The following PRDM16 variants were observed in gnomAD, a reference collection of about 807,000 sequenced individuals.
PRDM16 encodes histone-lysine N-methyltransferase PRDM16.
In PRDM16, 23 loss-of-function variants were observed where a neutral mutation model predicts 110.6. That is an observed-to-expected ratio of 0.21 (90% confidence interval 0.15 to 0.29). PRDM16 has a LOEUF of 0.29. Among genes scored for constraint, PRDM16 ranks in the 10% least tolerant of loss-of-function variants. PRDM16 has a pLI of 1.00. For missense variants in PRDM16, 1,615 were observed against 1,794.3 expected (o/e 0.90, Z 1.81); for synonymous variants, 799 against 781.8 (o/e 1.02, Z -0.37).
At chr1:3,200,297 G>A (rs985056335) in intron 2 of PRDM16, among the ~76,000 whole-genome samples, 4 of 152,198 alleles carry the variant, frequency 2.6e-5, no homozygotes, top group African/African-American at 4.8e-5. Flanking sequence ...AGGCTCTACC[G>A]AGGCCCTTAG....
At position 3,382,686 on chromosome 1, in the gene PRDM16, G is replaced by T. The variant is rs1269047752; in HGVS notation, c.439-2466G>T. Among the ~76,000 whole-genome samples the T allele has an allele frequency of 6.6e-6, 1 of 152,186 alleles. No individual in the cohort carries two copies. The highest frequency in any genetic ancestry group is 2.4e-5 in the African/African-American group (1 of 41,440). ...CATCAGCTGGTCCCTGGGCTGAGGG[G>T]GATGCACTCAGGAGCACGTACTCCT... On this transcript the variant is annotated intron_variant, in intron 3 of 16. Transcript: ENST00000270722. This position sits in a 1 kb window ranked among gnomAD's most constrained non-coding sequence, Gnocchi z 6.6.
rs1642528110 is a variant in PRDM16 at position 3,353,152 on chromosome 1, C to T, written c.439-32000C>T. On this transcript the variant is annotated intron_variant, in intron 3 of 16. Coordinates refer to ENST00000270722, the MANE Select transcript of PRDM16 (RefSeq NM_022114.4). This position sits in a 1 kb window ranked among gnomAD's most constrained non-coding sequence, Gnocchi z 5.4. Reference sequence around the variant, plus strand: ...CCCAGACTCCCACGCAGGGACGTCCCTCACAGCAGGATTTGCTGCTTCCTC... The same window carrying T: ...CCCAGACTCCCACGCAGGGACGTCCTTCACAGCAGGATTTGCTGCTTCCTC... Among the ~76,000 whole-genome samples, 1 of 152,244 alleles carries T rather than the reference C, an allele frequency of 6.6e-6. No individual in the cohort carries two copies. The highest frequency in any genetic ancestry group is 2.4e-5 in the African/African-American group (1 of 41,472).
intron 8 of PRDM16, 124 bp downstream of exon 8, chr1:3,405,772 A>C (rs187151343): frequency 8.1e-6 from 8 of 986,106 alleles, no homozygotes; most frequent in African/African-American, 6.7e-5. Flanking sequence ...TTCATAAAGC[A>C]CTCATGGCAG....
Position 3,244,079 on chromosome 1 carries a change from T to A in PRDM16, c.388-8T>A. 3.7e-6 allele frequency: 6 copies of A among 1,613,944 alleles called. No individual in the cohort carries two copies. Among genetic ancestry groups the A allele is most frequent in the Non-Finnish European group, 5.1e-6 (6 of 1,179,942 alleles). ...AAACTAACAACCCCTCTCAAAATTG[T>A]TTTGCAGCAAATACTGACGGACGTG... On this transcript the variant is annotated splice_polypyrimidine_tract_variant and splice_region_variant and intron_variant, in intron 2 of 16. Coordinates refer to ENST00000270722, the MANE Select transcript of PRDM16 (RefSeq NM_022114.4). This position sits in a 1 kb window ranked among gnomAD's most constrained non-coding sequence, Gnocchi z 4.1.
At chr1:3,366,427 C>T (rs891413380) in intron 3 of PRDM16, among the ~76,000 whole-genome samples, 2 of 152,268 alleles carry the variant, frequency 1.3e-5, no homozygotes, top group East Asian at 3.9e-4. Context: ...CTCAGTATGC[C>T]GGGACACTCT....
At chr1:3,354,708 G>A (rs1642559603) in intron 3 of PRDM16, among the ~76,000 whole-genome samples, 1 of 152,150 alleles carries the variant, frequency 6.6e-6, no homozygotes, top group Non-Finnish European at 1.5e-5. Context: ...CCTCTTCGCT[G>A]AGTCAGTGCC....
intron 2 of PRDM16, among the ~76,000 whole-genome samples, chr1:3,188,786 G>A (rs559376560): frequency 2.6e-5 from 4 of 152,190 alleles, no homozygotes; most frequent in Non-Finnish European, 5.9e-5. Context: ...GCTGACATTG[G>A]AACTGGGCAG....
Position 3,157,544 on chromosome 1 carries a change from T to C in PRDM16, c.38-28581T>C, listed in dbSNP as rs1247217906. 6.7e-6 allele frequency among the ~76,000 whole-genome samples: 1 copy of C among 150,162 alleles called. No individual in the cohort carries two copies. On this transcript the variant is annotated intron_variant, in intron 1 of 16. Coordinates refer to ENST00000270722, the MANE Select transcript of PRDM16 (RefSeq NM_022114.4). The surrounding 1 kb of genome is among the most constrained non-coding windows in gnomAD (Gnocchi z 4.8). ...GTCTTTATGGGCAGAAAAGAGATGA[T>C]AGATGAGAAAAAAAAGAGACTGTAG...
At chr1:3,409,128 C>T (rs1331437036) in intron 8 of PRDM16, among the ~76,000 whole-genome samples, 1 of 144,162 alleles carries the variant, frequency 6.9e-6, no homozygotes, top group Non-Finnish European at 1.5e-5. Context: ...TGAGTTGATG[C>T]ATGTGAGTGT....
chr1:3,181,282 G>GGTCTTACACACGCA (rs1189806775), intron 1 of PRDM16, among the ~76,000 whole-genome samples: 1 of 78,202 alleles, frequency 1.3e-5, no homozygotes, highest in Non-Finnish European at 3.1e-5. Context: ...CCTTACGCAT[G>GGTCTTACACACGCA]GTCTTACACA....
intron 3 of PRDM16, among the ~76,000 whole-genome samples, chr1:3,272,934 C>A (rs533366657): frequency 1.3e-5 from 2 of 152,240 alleles, no homozygotes; most frequent in African/African-American, 2.4e-5. Flanking sequence ...CACTCTGAGT[C>A]TCGAGTCTTG....
intron 8 of PRDM16, among the ~76,000 whole-genome samples, chr1:3,410,261 C>T (rs141270896): frequency 1.3e-5 from 2 of 152,060 alleles, no homozygotes; most frequent in Non-Finnish European, 2.9e-5. Context: ...CGTTCACAGG[C>T]CTTTAGGAAA....
At chr1:3,134,560 C>T (rs1199762601) in intron 1 of PRDM16, among the ~76,000 whole-genome samples, 2 of 151,988 alleles carry the variant, frequency 1.3e-5, no homozygotes, top group Non-Finnish European at 2.9e-5. Flanking sequence ...AGACCTACTC[C>T]GAGGGCGCGT....
chr1:3,233,679 G>A (rs1459837442), intron 2 of PRDM16, among the ~76,000 whole-genome samples: 1 of 152,208 alleles, frequency 6.6e-6, no homozygotes, highest in East Asian at 1.9e-4. Flanking sequence ...ACACAGGAGA[G>A]CCGACGTTAG....
rs1248556477 is a variant in PRDM16 at position 3,434,528 on chromosome 1, C to T, written c.*717C>T. 7 of 231,444 alleles carry T rather than the reference C, an allele frequency of 3.0e-5. No homozygotes were observed. The highest frequency in any genetic ancestry group is 1.8e-4 in the South Asian group (1 of 5,500). 14.3% of individuals were successfully genotyped at this position (231,444 alleles called of 1,614,324 possible). A position where few individuals can be genotyped will look rare whatever the true frequency, so the allele number is the denominator to read the frequency against. On this transcript the variant is annotated 3_prime_UTR_variant, in exon 17 of 17. Coordinates refer to ENST00000270722, the MANE Select transcript of PRDM16 (RefSeq NM_022114.4). The stretch of plus-strand genomic sequence containing the variant: ...GGGTGCCCCGAGGCAGAACAAGAGG[C>T]GCGGGGCCACACCCGTGAACCATGC...
intron 1 of PRDM16, among the ~76,000 whole-genome samples, chr1:3,109,667 TC>T (rs1642740752): frequency 6.6e-6 from 1 of 152,148 alleles, no homozygotes; most frequent in Admixed American, 6.5e-5. Context: ...ATCAAGTCCA[TC>T]CCGGGGAGTG....
Position 3,434,721 on chromosome 1 carries a change from A to G in PRDM16, c.*910A>G, listed in dbSNP as rs1261620334. 1.3e-5 allele frequency: 3 copies of G among 232,422 alleles called. No homozygotes were observed. The highest frequency in any genetic ancestry group is 2.6e-5 in the Non-Finnish European group (3 of 117,588). The allele number at this position is 232,422 out of a possible 1,614,324, so 14.4% of individuals were successfully genotyped here. On this transcript the variant is annotated 3_prime_UTR_variant, in exon 17 of 17. Transcript: ENST00000270722. ...CCCAAGATCCCTCAATTATATGGGG[A>G]AGTCGAGGGCCTGTGGCTTGGATCC...
intron 4 of PRDM16, among the ~76,000 whole-genome samples, chr1:3,387,188 G>C (rs1358864847): frequency 5.3e-5 from 8 of 152,022 alleles, no homozygotes; most frequent in Non-Finnish European, 1.0e-4. Context: ...TTACCCCACC[G>C]TCATCCCACA....
At chr1:3,364,433 G>T (rs1323629556) in intron 3 of PRDM16, among the ~76,000 whole-genome samples, 1 of 152,160 alleles carries the variant, frequency 6.6e-6, no homozygotes, top group Non-Finnish European at 1.5e-5. Context: ...GCGCTCAGAG[G>T]TTAACACGGT....
Sources: allele counts gnomAD v4.1 joint callset (sites outside exome capture counted in the v4.1 genomes callset), GRCh38; gene constraint gnomAD v4.1.1; non-coding constraint Gnocchi (gnomAD v3.1); transcripts MANE v1.5; gene names NCBI Gene and HGNC (gene_info 2026-07-23, HGNC 2026-07-21).